The following MSRA variants were observed in gnomAD, a reference collection of about 807,000 sequenced individuals.
MSRA encodes mitochondrial peptide methionine sulfoxide reductase.
Under a neutral mutation model 31.3 loss-of-function variants are expected in MSRA, and 54 were observed. The ratio of observed to expected loss-of-function variants is 1.73; its 90% confidence interval spans 1.39 to 2.17. The LOEUF is 2.17. Among genes scored for constraint, MSRA ranks in the 30% most tolerant of loss-of-function variants. MSRA has a pLI of 0.00. For missense variants in MSRA, 507 were observed against 300.9 expected (o/e 1.69, Z -5.07); for synonymous variants, 169 against 116.5 (o/e 1.45, Z -2.90).
intron 5 of MSRA, among the ~76,000 whole-genome samples, chr8:10,390,339 G>A (rs1806662604): frequency 6.6e-6 from 1 of 152,226 alleles, no homozygotes; most frequent in Admixed American, 6.5e-5. Flanking sequence ...CTGGTAATGA[G>A]TGCATCCAGG....
intron 2 of MSRA, among the ~76,000 whole-genome samples, chr8:10,219,805 C>CAAAAAAAAAAAAAAAAAAAAAAAAAAA (rs202000887): frequency 1.1e-4 from 5 of 46,068 alleles, no homozygotes; most frequent in African/African-American, 8.3e-4. Flanking sequence ...GACTCTGTCT[C>CAAAAAAAAAAAAAAAAAAAAAAAAAAA]CAAAAAAAAA....
At chr8:10,286,122 G>C (rs1280476994) in intron 3 of MSRA, among the ~76,000 whole-genome samples, 2 of 152,112 alleles carry the variant, frequency 1.3e-5, no homozygotes, top group Non-Finnish European at 2.9e-5. Flanking sequence ...AAGCCATCCT[G>C]TCCATTCTAG....
In MSRA at chr8:10,054,567, C is replaced by T. The variant is rs1287131676; in HGVS notation, c.51C>T (p.Leu17=). ...GCCAGCTCCTCCTCCTCCACAGCCT[C>T]TTTCCCGTCCCGAGGATGGGCAACT... is the stretch of plus-strand genomic sequence containing the variant. ...RACQLLLLHS[L]FPVPRMGNSA... The change falls in exon 1 of 6, where the codon CTC becomes CTT. Residue 17 remains leucine (L), a synonymous_variant. Coordinates refer to ENST00000317173, the MANE Select transcript of MSRA (RefSeq NM_012331.5). The T allele has an allele frequency of 4.4e-6, 7 of 1,587,752 alleles. No homozygotes were observed. The African/African-American group carries it at 5.5e-5, about 13-fold the overall frequency.
chr8:10,316,186 A>T (rs1053537827), intron 4 of MSRA, among the ~76,000 whole-genome samples: 2 of 152,154 alleles, frequency 1.3e-5, no homozygotes, highest in African/African-American at 4.8e-5. Context: ...TTCCTTTTAG[A>T]AGAGAGCCAC....
At chr8:10,153,671 G>A (rs906861066) in intron 1 of MSRA, among the ~76,000 whole-genome samples, 5 of 152,104 alleles carry the variant, frequency 3.3e-5, no homozygotes, top group South Asian at 2.1e-4. Context: ...GTCGCCCACC[G>A]TCTGAGAAAC....
intron 5 of MSRA, among the ~76,000 whole-genome samples, chr8:10,406,565 G>A (rs945644084): frequency 8.5e-5 from 13 of 152,184 alleles, no homozygotes; most frequent in Non-Finnish European, 1.8e-4. Flanking sequence ...AGACAGGAAT[G>A]GGGGCCACAG....
intron 1 of MSRA, among the ~76,000 whole-genome samples, chr8:10,109,397 A>G (rs1800118383): frequency 6.6e-6 from 1 of 151,230 alleles, no homozygotes; most frequent in Non-Finnish European, 1.5e-5. Flanking sequence ...GCTGGAGTGC[A>G]GAGATGCAGT....
intron 5 of MSRA, among the ~76,000 whole-genome samples, chr8:10,388,807 C>G (rs796340360): frequency 5.9e-5 from 9 of 151,898 alleles, no homozygotes; most frequent in African/African-American, 2.2e-4. Flanking sequence ...GGGATGTTGA[C>G]CGGCATCGCT....
intron 1 of MSRA, among the ~76,000 whole-genome samples, chr8:10,080,622 C>A (rs970857124): frequency 2.0e-5 from 3 of 151,936 alleles, no homozygotes; most frequent in Non-Finnish European, 4.4e-5. Flanking sequence ...AACTTCTGGG[C>A]TCACGCAATC....
intron 2 of MSRA, among the ~76,000 whole-genome samples, chr8:10,218,637 G>A (rs1016528850): frequency 6.6e-6 from 1 of 152,186 alleles, no homozygotes; most frequent in Non-Finnish European, 1.5e-5. Context: ...GAAGAAAGCA[G>A]GATAAGTGGT....
intron 3 of MSRA, among the ~76,000 whole-genome samples, chr8:10,301,212 G>A (rs768994891): frequency 2.0e-5 from 3 of 152,172 alleles, no homozygotes; most frequent in African/African-American, 2.4e-5. Flanking sequence ...CGCTATGTCA[G>A]GGTGGATCCA....
chr8:10,344,569 CGT>C (rs1803648451), intron 5 of MSRA, among the ~76,000 whole-genome samples: 1 of 85,792 alleles, frequency 1.2e-5, no homozygotes, highest in Non-Finnish European at 2.2e-5. Context: ...AGGGAGACTC[CGT>C]CTCAAAAAAA....
chr8:10,093,580 A>G (rs1176528933), intron 1 of MSRA, among the ~76,000 whole-genome samples: 1 of 152,230 alleles, frequency 6.6e-6, no homozygotes, highest in African/African-American at 2.4e-5. Flanking sequence ...TAGAAAAAAG[A>G]GTACATTTAT....
At chr8:10,143,901 A>G (rs1802917259) in intron 1 of MSRA, among the ~76,000 whole-genome samples, 1 of 152,158 alleles carries the variant, frequency 6.6e-6, no homozygotes, top group African/African-American at 2.4e-5. Flanking sequence ...TCGATTTTGT[A>G]GATTCTTGTC....
intron 5 of MSRA, among the ~76,000 whole-genome samples, chr8:10,324,021 A>T (rs1292481138): frequency 6.6e-6 from 1 of 152,190 alleles, no homozygotes; most frequent in Non-Finnish European, 1.5e-5. Flanking sequence ...TTGAAAGTTC[A>T]GTGTTTTCGT....
chr8:10,335,075 C>G (rs963304324), intron 5 of MSRA, among the ~76,000 whole-genome samples: 11 of 152,154 alleles, frequency 7.2e-5, no homozygotes, highest in African/African-American at 2.2e-4. Flanking sequence ...CGTTGCAGGA[C>G]GGGCCGGGCG....
intron 3 of MSRA, among the ~76,000 whole-genome samples, chr8:10,251,384 C>A (rs766397530): frequency 1.7e-4 from 26 of 152,072 alleles, no homozygotes; most frequent in Non-Finnish European, 3.1e-4. Context: ...TGCATTAAAT[C>A]TCTTTTTAGT....
At chr8:10,185,475 G>A (rs999428296) in intron 1 of MSRA, among the ~76,000 whole-genome samples, 17 of 151,386 alleles carry the variant, frequency 1.1e-4, no homozygotes, top group African/African-American at 4.1e-4. Flanking sequence ...CAGAGTTAAT[G>A]CCCTGAAGAT....
At position 10,118,962 on chromosome 8, in the gene MSRA, G is replaced by C. The variant is rs183645044; in HGVS notation, c.142+64304G>C. ...TCCTGGTCCAGCCCGGGCTGGTCTG[G>C]TCCCCTCCAGATGATCTCAGCGTTC... On this transcript the variant is annotated intron_variant, in intron 1 of 5. Coordinates refer to ENST00000317173, the MANE Select transcript of MSRA (RefSeq NM_012331.5). Among the ~76,000 whole-genome samples the C allele has an allele frequency of 5.6e-4, 85 of 152,230 alleles. No homozygotes were observed. In the East Asian group the frequency reaches 0.016, roughly 28 times the overall value.
Sources: allele counts gnomAD v4.1 joint callset (sites outside exome capture counted in the v4.1 genomes callset), GRCh38; gene constraint gnomAD v4.1.1; transcripts MANE v1.5; gene names NCBI Gene and HGNC (gene_info 2026-07-23, HGNC 2026-07-21).